RALGAPA2: variants seen among roughly 807,000 people sequenced by gnomAD.
The protein encoded by RALGAPA2 is Ral GTPase activating protein catalytic subunit alpha 2.
A neutral mutation model predicts 230.4 loss-of-function variants in RALGAPA2; 139 were observed. That is an observed-to-expected ratio of 0.60 (90% CI 0.53 to 0.69). The LOEUF (loss-of-function observed/expected upper bound fraction) is 0.69, where lower values mean the gene tolerates loss of function less well. Ranked by LOEUF, RALGAPA2 falls within the 30% of genes least tolerant of loss-of-function variation. The pLI is 0.00. For missense variants in RALGAPA2, 2,163 were observed against 2,276.0 expected, an observed-to-expected ratio of 0.95 and a Z score of 1.01; for synonymous variants, 847 against 837.8, an observed-to-expected ratio of 1.01 and a Z score of -0.19.
chr20:20,629,285 C>G, intron 10 of RALGAPA2, 78 bp downstream of exon 10: 1 of 1,255,970 alleles, frequency 8.0e-7, no homozygotes, highest in Non-Finnish European at 1.1e-6. Context: ...AGTAAAAGAA[C>G]ATGAAACAAA....
Position 20,680,678 on chromosome 20 carries a change from C to A in RALGAPA2, c.217+13G>T, listed in dbSNP as rs766152464. On this transcript the variant is annotated intron_variant, in intron 2 of 39. Transcript: ENST00000202677. Reference sequence around the variant, plus strand: ...CCGAATGTTTTTTAAAAAAAAACTACTGAAATGCTTACCTTTTAATTTCAA... The same window carrying A: ...CCGAATGTTTTTTAAAAAAAAACTAATGAAATGCTTACCTTTTAATTTCAA... 7 of 1,521,866 alleles carry A rather than the reference C, an allele frequency of 4.6e-6. No individual in the cohort carries two copies. The South Asian group carries it at 9.1e-5, about 20-fold the overall frequency. The allele number at this position is 1,521,866 out of a possible 1,614,324, so 94.3% of individuals were successfully genotyped here.
intron 10 of RALGAPA2, among the ~76,000 whole-genome samples, chr20:20,627,450 A>T (rs2066523272): frequency 6.6e-6 from 1 of 152,248 alleles, no homozygotes; most frequent in South Asian, 2.1e-4. Context: ...AGGCAAGTGT[A>T]GGAGGCACCC....
intron 37 of RALGAPA2, among the ~76,000 whole-genome samples, chr20:20,465,149 T>TCACACACACACA (rs74180992): frequency 0.065 from 7,129 of 109,050 alleles, 398 homozygotes; most frequent in African/African-American, 0.086. Context: ...CCGCAGGCCT[T>TCACACACACACA]CACACACACA....
intron 24 of RALGAPA2, 136 bp downstream of exon 24, chr20:20,546,568 C>A: frequency 8.8e-7 from 1 of 1,140,280 alleles, no homozygotes. Flanking sequence ...ACATCAGCTG[C>A]CAGGGTATCT....
At chr20:20,415,517 G>A (rs2060147213) in intron 37 of RALGAPA2, among the ~76,000 whole-genome samples, 2 of 152,168 alleles carry the variant, frequency 1.3e-5, no homozygotes, top group African/African-American at 4.8e-5. Context: ...TCAAATTACT[G>A]ACCAGAAACC....
intron 35 of RALGAPA2, among the ~76,000 whole-genome samples, chr20:20,503,116 C>T (rs920065952): frequency 6.6e-6 from 1 of 152,148 alleles, no homozygotes; most frequent in African/African-American, 2.4e-5. Context: ...TATTTTGTAA[C>T]CTTTGACAAT....
At chr20:20,508,203 C>G (rs917156335) in intron 33 of RALGAPA2, among the ~76,000 whole-genome samples, 1 of 152,174 alleles carries the variant, frequency 6.6e-6, no homozygotes, top group African/African-American at 2.4e-5. Context: ...GTTAGTACCA[C>G]AGAGAGCCTG....
intron 38 of RALGAPA2, among the ~76,000 whole-genome samples, chr20:20,399,843 G>C (rs868529940): frequency 2.6e-5 from 4 of 152,236 alleles, no homozygotes; most frequent in Non-Finnish European, 5.9e-5. Flanking sequence ...CTGCCATCCA[G>C]AACCGCCACC....
intron 3 of RALGAPA2, among the ~76,000 whole-genome samples, chr20:20,656,297 T>C (rs564296089): frequency 6.6e-6 from 1 of 152,332 alleles, no homozygotes; most frequent in South Asian, 2.1e-4. Context: ...TTATAAAGAT[T>C]AGAAACATTT....
chr20:20,495,309 G>T, intron 35 of RALGAPA2, 34 bp from the exon 36 acceptor site: 2 of 1,468,998 alleles, frequency 1.4e-6, no homozygotes, highest in South Asian at 1.5e-5. Context: ...ATTAATCAGG[G>T]TGATAACAGC....
At chr20:20,653,067 A>C (rs2067460562) in intron 4 of RALGAPA2, among the ~76,000 whole-genome samples, 1 of 151,588 alleles carries the variant, frequency 6.6e-6, no homozygotes, top group African/African-American at 2.4e-5. Flanking sequence ...ATGGTGGCGC[A>C]TGCCTGTAAT....
intron 36 of RALGAPA2, among the ~76,000 whole-genome samples, chr20:20,487,533 T>A (rs756525637): frequency 1.3e-5 from 2 of 152,212 alleles, no homozygotes; most frequent in Non-Finnish European, 2.9e-5. Flanking sequence ...CTCCTTCCAA[T>A]TCCAACTTAG....
chr20:20,621,522 TTTG>T (rs1378308163), intron 10 of RALGAPA2, among the ~76,000 whole-genome samples: 4 of 152,214 alleles, frequency 2.6e-5, no homozygotes, highest in African/African-American at 4.8e-5. Context: ...TCCTTCCTTT[TTTG>T]TTATTATTAT....
rs139060745 is a variant in RALGAPA2, at chr20:20,639,395, T to A, written c.666+390A>T. On this transcript the variant is annotated intron_variant, in intron 7 of 39. Transcript: ENST00000202677. ...CATATGAGAAAAATAATACATGACA[T>A]AAAGGAGGCCTGTGCCAATGGCATG... Among the ~76,000 whole-genome samples the A allele has an allele frequency of 3.9e-5, 6 of 152,182 alleles. No homozygotes were observed. The South Asian group carries it at 1.2e-3, about 32-fold the overall frequency.
At chr20:20,680,827 G>A in intron 1 of RALGAPA2, 26 bp from the exon 2 acceptor site, 1 of 1,535,476 alleles carries the variant, frequency 6.5e-7, no homozygotes, top group East Asian at 2.3e-5. Flanking sequence ...TTCCATTTAT[G>A]ACAATTCACT....
At chr20:20,538,041 G>A (rs1276230900) in intron 24 of RALGAPA2, among the ~76,000 whole-genome samples, 2 of 152,202 alleles carry the variant, frequency 1.3e-5, no homozygotes, top group African/African-American at 4.8e-5. Flanking sequence ...TAAAATCAAA[G>A]AGAGCTTTTC....
chr20:20,495,137 C>G lies in RALGAPA2; in HGVS notation c.5347G>C (p.Ala1783Pro). 6.2e-7 allele frequency: 1 copy of G among 1,605,252 alleles called. No homozygotes were observed. Among genetic ancestry groups the G allele is most frequent in the South Asian group, 1.1e-5 (1 of 90,320 alleles). Residue 1783 changes from alanine (A) to proline (P), a missense_variant, in exon 36 of 40, where the codon GCG becomes CCG. Ala to Pro is a conservative substitution (Grantham distance 27, BLOSUM62 -1). Transcript: ENST00000202677. ...YPMKNHMFFI[A>P]ITKKPEVPFF... ...CGTACCTCAGGTTTCTTCGTTATCG[C>G]GATGAAGAACATGTGATTCTTCATT...
At chr20:20,657,702 G>A (rs759497626) in intron 3 of RALGAPA2, among the ~76,000 whole-genome samples, 3 of 152,150 alleles carry the variant, frequency 2.0e-5, no homozygotes, top group Non-Finnish European at 2.9e-5. Context: ...GTAACTTGGT[G>A]TCCTATTATC....
chr20:20,650,193 A>G (rs1309315731), intron 4 of RALGAPA2, among the ~76,000 whole-genome samples: 4 of 152,214 alleles, frequency 2.6e-5, no homozygotes, highest in Non-Finnish European at 5.9e-5. Context: ...AACGATTTAA[A>G]GCAAGGAGCC....
Sources: allele counts gnomAD v4.1 joint callset (sites outside exome capture counted in the v4.1 genomes callset), GRCh38; gene constraint gnomAD v4.1.1; transcripts MANE v1.5; gene names NCBI Gene and HGNC (gene_info 2026-07-23, HGNC 2026-07-21).